ECT2: variants seen among roughly 807,000 people sequenced by gnomAD.
The protein encoded by ECT2 is protein ECT2.
Under a neutral mutation model 116.9 loss-of-function variants are expected in ECT2, and 61 were observed. The ratio of observed to expected loss-of-function variants is 0.52; its 90% confidence interval spans 0.42 to 0.65. ECT2 has a LOEUF of 0.65. Among genes scored for constraint, ECT2 ranks in the 30% least tolerant of loss-of-function variants. ECT2 has a pLI of 0.00. For synonymous variants in ECT2, 358 were observed against 346.4 expected (o/e 1.03, Z -0.37); for missense variants, 937 against 1,078.7 (o/e 0.87, Z 1.84).
intron 14 of ECT2, among the ~76,000 whole-genome samples, chr3:172,775,965 CTT>C (rs1721589496): frequency 6.6e-6 from 1 of 152,156 alleles, no homozygotes; most frequent in South Asian, 2.1e-4. Context: ...TTGCCGCTAA[CTT>C]TGTGGATCAA....
Position 172,815,690 on chromosome 3 carries a change from A to G in ECT2, c.2487A>G (p.Ala829=), listed in dbSNP as rs1729571884. 1.3e-6 allele frequency: 2 copies of G among 1,599,916 alleles called. No individual in the cohort carries two copies. Among genetic ancestry groups the G allele is most frequent in the Non-Finnish European group, 1.7e-6 (2 of 1,174,002 alleles). ...GTACATTGAGTAGAGCATCAAGAGC[A>G]ATAAAAAAGACTTCAAAAAAGGTGA... ...MDSTLSRASR[A]IKKTSKKVTR... Residue 829 remains alanine, a synonymous_variant, in exon 23 of 25, where the codon GCA becomes GCG. Transcript: ENST00000392692.
Position 172,774,110 on chromosome 3 carries a change from T to A in ECT2, c.1548+88T>A, listed in dbSNP as rs1455271185. On this transcript the variant is annotated intron_variant, in intron 14 of 24. Coordinates refer to ENST00000392692, the MANE Select transcript of ECT2 (RefSeq NM_001258315.2). ...TTTGAGGTACTTCTGGTTAGCTAAA[T>A]AAGTTTTGTACCTAAAACTTCTTAT... 11 of 1,316,922 alleles carry A rather than the reference T, an allele frequency of 8.4e-6. No homozygotes were observed. In the Admixed American group the frequency reaches 1.7e-4, roughly 20 times the overall value. 81.6% of individuals were successfully genotyped at this position (1,316,922 alleles called of 1,614,324 possible).
In ECT2 at chr3:172,774,413, G is replaced by A. The variant is rs182038579; in HGVS notation, c.1548+391G>A. 2.5e-3 allele frequency among the ~76,000 whole-genome samples: 383 copies of A among 152,148 alleles called. 2 individuals are homozygous for A. The highest frequency in any genetic ancestry group is 8.7e-3 in the African/African-American group (359 of 41,482). On this transcript the variant is annotated intron_variant, in intron 14 of 24. Transcript: ENST00000392692. Reference sequence around the variant, plus strand: ...TGGGTTTTGTCATGCTGCCCAGGCTGGTTTCGAACTCCTGACCTCAAGTGG... The same window carrying A: ...TGGGTTTTGTCATGCTGCCCAGGCTAGTTTCGAACTCCTGACCTCAAGTGG...
At chr3:172,753,526 T>C (rs10936737) in intron 1 of ECT2, among the ~76,000 whole-genome samples, 71,362 of 152,106 alleles carry the variant, frequency 0.47, 19,621 homozygotes, top group East Asian at 0.69. Context: ...CATAATTGTT[T>C]TGTCAAACCT....
rs761986601 is a variant in ECT2 at position 172,816,685 on chromosome 3, C to T, written c.2509-6C>T. 2.5e-6 allele frequency: 4 copies of T among 1,583,314 alleles called. No homozygotes were observed. The East Asian group carries it at 9.0e-5, about 36-fold the overall frequency. ...TAGGTTTAACTAATTGTAACTTAAA[C>T]TCTAGGTTACAAGAGCATTCTCTTT... On this transcript the variant is annotated splice_polypyrimidine_tract_variant and splice_region_variant and intron_variant, in intron 23 of 24. Coordinates refer to ENST00000392692, the MANE Select transcript of ECT2 (RefSeq NM_001258315.2).
chr3:172,751,530 CAAT>C (rs1321002185), intron 1 of ECT2, among the ~76,000 whole-genome samples: 2 of 152,182 alleles, frequency 1.3e-5, no homozygotes, highest in African/African-American at 4.8e-5. Context: ...AGGTTTAGGA[CAAT>C]GTCTGCCACG....
chr3:172,766,876 ACTT>A (rs1719497057), intron 12 of ECT2, among the ~76,000 whole-genome samples: 2 of 151,610 alleles, frequency 1.3e-5, no homozygotes, highest in Non-Finnish European at 3.0e-5. Context: ...AAGGACTGAA[ACTT>A]GAATATGCAT....
intron 13 of ECT2, among the ~76,000 whole-genome samples, chr3:172,770,046 T>A (rs1720311552): frequency 6.6e-6 from 1 of 152,200 alleles, no homozygotes; most frequent in African/African-American, 2.4e-5. Context: ...ATGGAAAGAC[T>A]TCTTACTTGA....
intron 18 of ECT2, among the ~76,000 whole-genome samples, chr3:172,797,592 T>G (rs1433935497): frequency 6.6e-6 from 1 of 152,216 alleles, no homozygotes; most frequent in African/African-American, 2.4e-5. Flanking sequence ...CTGTGTAACA[T>G]TGTTCCTTTG....
intron 20 of ECT2, among the ~76,000 whole-genome samples, chr3:172,803,764 T>C (rs1030436528): frequency 6.0e-4 from 91 of 152,026 alleles, no homozygotes; most frequent in African/African-American, 2.1e-3. Context: ...CTTTTCTTTT[T>C]CTTTTCTTTC....
chr3:172,800,144 G>A (rs977281775), intron 18 of ECT2, among the ~76,000 whole-genome samples: 3 of 152,184 alleles, frequency 2.0e-5, no homozygotes, highest in Non-Finnish European at 4.4e-5. Context: ...TGTGAGCATT[G>A]ATTATACAAA....
chr3:172,773,626 T>C (rs1721070701), intron 13 of ECT2, among the ~76,000 whole-genome samples: 1 of 152,230 alleles, frequency 6.6e-6, no homozygotes, highest in Admixed American at 6.5e-5. Flanking sequence ...TGTATCATAC[T>C]AACAATTTTA....
At position 172,760,215 on chromosome 3, in the gene ECT2, A is replaced by G. The variant is rs770409215; in HGVS notation, c.636A>G (p.Ser212=). 3.7e-6 allele frequency: 6 copies of G among 1,612,518 alleles called. No homozygotes were observed. The highest frequency in any genetic ancestry group is 5.1e-6 in the Non-Finnish European group (6 of 1,179,212). The change falls in exon 7 of 25, where the codon TCA becomes TCG. Residue 212 remains serine, a synonymous_variant. Transcript: ENST00000392692. The part of the protein sequence containing the change: ...MGGVIRKDFN[S]KVTHLVANCT... ...GAGTTATTCGAAAAGACTTTAATTC[A>G]AAAGTTACACATTTGGTGGCAAATT... is the stretch of plus-strand genomic sequence containing the variant.
intron 18 of ECT2, among the ~76,000 whole-genome samples, chr3:172,789,101 A>T (rs1400279231): frequency 6.6e-6 from 1 of 150,692 alleles, no homozygotes; most frequent in Non-Finnish European, 1.5e-5. Flanking sequence ...AGCCTTCAGT[A>T]AGTTATAGTC....
Position 172,809,796 on chromosome 3 carries a change from C to T in ECT2, c.2400+1872C>T, listed in dbSNP as rs190815600. Among the ~76,000 whole-genome samples the T allele has an allele frequency of 2.3e-3, 355 of 152,020 alleles. 2 individuals are homozygous for T. The highest frequency in any genetic ancestry group is 8.1e-3 in the African/African-American group (337 of 41,464). The stretch of plus-strand genomic sequence containing the variant: ...TCTATACTATTTCATTTGTCGTGTC[C>T]GCTCATTAATGATGTAAGAGTTAAA... On this transcript the variant is annotated intron_variant, in intron 22 of 24. Transcript: ENST00000392692.
chr3:172,759,598 C>T (rs1047599978), intron 6 of ECT2, among the ~76,000 whole-genome samples: 4 of 152,190 alleles, frequency 2.6e-5, no homozygotes, highest in South Asian at 4.2e-4. Flanking sequence ...CCCGCCACCA[C>T]GCCTGGCTAA....
intron 1 of ECT2, among the ~76,000 whole-genome samples, chr3:172,751,634 C>G (rs1047457814): frequency 1.2e-4 from 18 of 152,072 alleles, no homozygotes; most frequent in African/African-American, 3.9e-4. Context: ...TAGTCCTTCA[C>G]CTTGGAAGAT....
chr3:172,755,837 C>G (rs1716887151), intron 4 of ECT2, among the ~76,000 whole-genome samples: 1 of 152,128 alleles, frequency 6.6e-6, no homozygotes, highest in South Asian at 2.1e-4. Context: ...ACGAAATAAT[C>G]TAATTCTGGA....
chr3:172,772,220 G>A (rs1360785826), intron 13 of ECT2, among the ~76,000 whole-genome samples: 1 of 150,138 alleles, frequency 6.7e-6, no homozygotes, highest in Non-Finnish European at 1.5e-5. Flanking sequence ...CAGGCTGGGA[G>A]AATTATTATT....
Sources: allele counts gnomAD v4.1 joint callset (sites outside exome capture counted in the v4.1 genomes callset), GRCh38; gene constraint gnomAD v4.1.1; transcripts MANE v1.5; gene names NCBI Gene and HGNC (gene_info 2026-07-23, HGNC 2026-07-21).